RARB: variants seen among roughly 807,000 people sequenced by gnomAD.
RARB encodes HBV-activated protein.
Under a neutral mutation model 51.9 loss-of-function variants are expected in RARB, and 17 were observed. The observed-to-expected ratio is 0.33, with a 90% CI of 0.22 to 0.49. The LOEUF (loss-of-function observed/expected upper bound fraction) is 0.49, where lower values mean the gene tolerates loss of function less well. Among genes scored for constraint, RARB ranks in the 20% least tolerant of loss-of-function variants. RARB has a pLI of 0.99. For synonymous variants in RARB, 215 were observed against 195.4 expected (o/e 1.10, Z -0.84); for missense variants, 369 against 550.8 (o/e 0.67, Z 3.30).
chr3:25,131,574 A>G (rs1005490598), intron 3 of RARB, among the ~76,000 whole-genome samples: 1 of 151,976 alleles, frequency 6.6e-6, no homozygotes, highest in Non-Finnish European at 1.5e-5. Context: ...ATAATTTCTC[A>G]AAGTTTCTCA....
At chr3:25,195,893 C>T (rs1048269682) in intron 5 of RARB, among the ~76,000 whole-genome samples, 1 of 151,748 alleles carries the variant, frequency 6.6e-6, no homozygotes, top group Admixed American at 6.6e-5. Context: ...CTGTTAATTT[C>T]CTGGAATCAA....
chr3:25,341,214 A>G (rs1048289751), intron 5 of RARB, among the ~76,000 whole-genome samples: 12 of 152,210 alleles, frequency 7.9e-5, no homozygotes, highest in African/African-American at 2.9e-4. Context: ...CCTGGCATGA[A>G]GCAGACCTTT....
In RARB at chr3:25,338,677, T is replaced by C. The variant is rs1246286261; in HGVS notation, c.179-122516T>C. 2.6e-5 allele frequency among the ~76,000 whole-genome samples: 4 copies of C among 152,210 alleles called. No homozygotes were observed. In the East Asian group the frequency reaches 5.8e-4, roughly 22 times the overall value. On this transcript the variant is annotated intron_variant, in intron 5 of 11. Coordinates refer to the RARB transcript ENST00000383772. ...GGGTTTCTGGAAGACTCAGGTCATG[T>C]TGCTTCTTCATAAGAGTTTAAGTCA... is the stretch of plus-strand genomic sequence containing the variant.
At chr3:24,962,703 A>G (rs1286806036) in intron 2 of RARB, among the ~76,000 whole-genome samples, 1 of 152,240 alleles carries the variant, frequency 6.6e-6, no homozygotes, top group Non-Finnish European at 1.5e-5. Flanking sequence ...TGAGAATCTA[A>G]CTAATGCCTG....
chr3:24,867,915 G>A (rs138496297), intron 2 of RARB, among the ~76,000 whole-genome samples: 4 of 152,226 alleles, frequency 2.6e-5, no homozygotes, highest in South Asian at 2.1e-4. Flanking sequence ...ATTTCAAGTC[G>A]ACTGTGAAAT....
At chr3:24,951,067 C>T (rs1198950918) in intron 2 of RARB, among the ~76,000 whole-genome samples, 4 of 152,108 alleles carry the variant, frequency 2.6e-5, no homozygotes, top group Non-Finnish European at 5.9e-5. Flanking sequence ...GAGTACTTCC[C>T]TCTGGAGAAA....
intron 5 of RARB, among the ~76,000 whole-genome samples, chr3:25,271,178 T>C (rs1362232284): frequency 6.6e-6 from 1 of 152,172 alleles, no homozygotes; most frequent in African/African-American, 2.4e-5. Context: ...GGCTTTAATT[T>C]TTCTCCCCTC....
At chr3:24,867,162 C>T (rs766852414) in intron 2 of RARB, among the ~76,000 whole-genome samples, 1 of 152,102 alleles carries the variant, frequency 6.6e-6, no homozygotes, top group Non-Finnish European at 1.5e-5. Flanking sequence ...TATGTCTACA[C>T]CTTAGCAGAA....
At chr3:24,882,736 G>C (rs1329075629) in intron 2 of RARB, among the ~76,000 whole-genome samples, 1 of 152,130 alleles carries the variant, frequency 6.6e-6, no homozygotes, top group African/African-American at 2.4e-5. Context: ...CCAGTCCACA[G>C]ACATTCCCCA....
At chr3:25,045,359 AG>A (rs1253826441) in intron 2 of RARB, among the ~76,000 whole-genome samples, 3 of 152,038 alleles carry the variant, frequency 2.0e-5, no homozygotes, top group African/African-American at 7.2e-5. Flanking sequence ...GTGAGACAGG[AG>A]GGGGGTTTAT....
At chr3:25,467,291 A>G (rs567169907) in intron 2 of RARB, among the ~76,000 whole-genome samples, 6 of 152,370 alleles carry the variant, frequency 3.9e-5, no homozygotes, top group African/African-American at 1.4e-4. Context: ...TCTTAAAACA[A>G]TAGACATTTA....
intron 2 of RARB, among the ~76,000 whole-genome samples, chr3:24,997,167 TTGTTA>T (rs1393993544): frequency 1.3e-5 from 2 of 152,114 alleles, no homozygotes; most frequent in Non-Finnish European, 2.9e-5. Flanking sequence ...GTATTTATAA[TTGTTA>T]TGTTCTCATG....
intron 1 of RARB, among the ~76,000 whole-genome samples, chr3:24,841,015 A>G (rs913327188): frequency 1.3e-5 from 2 of 152,186 alleles, no homozygotes; most frequent in African/African-American, 4.8e-5. Context: ...TTGGAGATCA[A>G]TGGGGCAGTT....
intron 2 of RARB, among the ~76,000 whole-genome samples, chr3:25,009,124 G>A (rs1697340089): frequency 6.6e-6 from 1 of 152,064 alleles, no homozygotes; most frequent in Non-Finnish European, 1.5e-5. Context: ...TTTAGGCTTT[G>A]TCACAATTGC....
At chr3:25,171,642 G>GGAAAAAAAAAAAA (rs1559491263) in intron 4 of RARB, among the ~76,000 whole-genome samples, 1 of 2,364 alleles carries the variant, frequency 4.2e-4, no homozygotes, top group Non-Finnish European at 1.0e-3. Flanking sequence ...TCCCTGGTTG[G>GGAAAAAAAAAAAA]TAAAAAAAAA....
chr3:25,153,295 C>T (rs188671922), intron 4 of RARB, among the ~76,000 whole-genome samples: 98 of 152,208 alleles, frequency 6.4e-4, no homozygotes, highest in Middle Eastern at 3.4e-3. Context: ...GCACGTCATC[C>T]GCAGACTTTT....
chr3:25,528,737 AG>A (rs1321398570), intron 3 of RARB, among the ~76,000 whole-genome samples: 2 of 151,340 alleles, frequency 1.3e-5, no homozygotes, highest in Admixed American at 6.6e-5. Context: ...AGGAGAAAAA[AG>A]ATTCTTATTT....
intron 2 of RARB, among the ~76,000 whole-genome samples, chr3:25,464,122 C>G (rs1695318530): frequency 1.3e-5 from 2 of 152,136 alleles, no homozygotes; most frequent in Admixed American, 6.6e-5. Context: ...AAAGATACTT[C>G]TTTATTTCTG....
chr3:24,919,321 G>T (rs55852742), intron 2 of RARB, among the ~76,000 whole-genome samples: 1 of 152,132 alleles, frequency 6.6e-6, no homozygotes, highest in Admixed American at 6.5e-5. Context: ...GCCTCTTTAC[G>T]TATGTGAAGT....
Sources: gnomAD v4.1 joint callset for allele counts (sites outside exome capture counted in the v4.1 genomes callset) on GRCh38, gnomAD v4.1.1 for gene constraint, MANE v1.5 for transcripts, NCBI Gene and HGNC (gene_info 2026-07-23, HGNC 2026-07-21) for gene names.